The following RAPGEF1 variants were observed in gnomAD, a reference collection of about 807,000 sequenced individuals.
The protein encoded by RAPGEF1 is CRK SH3-binding GNRP.
Under a neutral mutation model 143.3 loss-of-function variants are expected in RAPGEF1, and 33 were observed. The ratio of observed to expected loss-of-function variants is 0.23; its 90% confidence interval spans 0.17 to 0.31. RAPGEF1 has a LOEUF of 0.31. Ranked by LOEUF, RAPGEF1 falls within the 10% of genes least tolerant of loss-of-function variation. RAPGEF1 has a pLI of 1.00. For synonymous variants in RAPGEF1, 629 were observed against 676.5 expected (o/e 0.93, Z 1.09); for missense variants, 1,199 against 1,645.4 (o/e 0.73, Z 4.69).
intron 18 of RAPGEF1, among the ~76,000 whole-genome samples, chr9:131,590,189 C>T (rs1342776965): frequency 3.3e-5 from 5 of 152,164 alleles, no homozygotes; most frequent in Admixed American, 2.6e-4. Flanking sequence ...CAGGGATGCC[C>T]CCGGCTGCTG....
At chr9:131,737,731 G>C (rs957769221) in intron 1 of RAPGEF1, among the ~76,000 whole-genome samples, 1 of 152,102 alleles carries the variant, frequency 6.6e-6, no homozygotes, top group Non-Finnish European at 1.5e-5. Flanking sequence ...TTGGGAGGCC[G>C]AGGTGGGCGG....
chr9:131,705,167 G>A (rs1035772940), intron 1 of RAPGEF1, among the ~76,000 whole-genome samples: 4 of 152,038 alleles, frequency 2.6e-5, no homozygotes, highest in Non-Finnish European at 5.9e-5. Context: ...TTTATTGCAC[G>A]TCCACTGTGC....
intron 1 of RAPGEF1, among the ~76,000 whole-genome samples, chr9:131,686,001 CT>C (rs1833318167): frequency 6.6e-6 from 1 of 152,180 alleles, no homozygotes; most frequent in African/African-American, 2.4e-5. Flanking sequence ...TCTTCAGTTC[CT>C]TCATGCGTTC....
At chr9:131,634,069 C>T (rs182720086) in intron 5 of RAPGEF1, among the ~76,000 whole-genome samples, 25 of 152,288 alleles carry the variant, frequency 1.6e-4, no homozygotes, top group Non-Finnish European at 3.1e-4. Context: ...CAAAACCAGC[C>T]TGGGCAACAT....
intron 9 of RAPGEF1, among the ~76,000 whole-genome samples, chr9:131,627,013 A>G (rs1328031535): frequency 2.0e-5 from 2 of 101,440 alleles, no homozygotes; most frequent in African/African-American, 3.9e-5. Flanking sequence ...AGAGTTCAAG[A>G]CCAGCCTGGT....
At chr9:131,726,562 G>A (rs535931995) in intron 1 of RAPGEF1, among the ~76,000 whole-genome samples, 14 of 152,100 alleles carry the variant, frequency 9.2e-5, no homozygotes, top group African/African-American at 3.4e-4. Context: ...GGAGGCAGAG[G>A]TTGCAGTGAG....
At chr9:131,582,728 C>A in intron 24 of RAPGEF1, 26 bp from the exon 25 acceptor site, 3 of 1,539,014 alleles carry the variant, frequency 1.9e-6, no homozygotes, top group Non-Finnish European at 2.6e-6. Context: ...AGGACAGGAC[C>A]GGACAGGGGT....
chr9:131,689,047 T>C (rs1451840523), intron 1 of RAPGEF1, among the ~76,000 whole-genome samples: 1 of 152,254 alleles, frequency 6.6e-6, no homozygotes, highest in East Asian at 1.9e-4. Flanking sequence ...ACTCGTTTCA[T>C]CCAAGAGTCA....
intron 22 of RAPGEF1, among the ~76,000 whole-genome samples, chr9:131,587,183 A>AACACACAC (rs560537370): frequency 3.1e-5 from 2 of 64,470 alleles, no homozygotes; most frequent in South Asian, 5.2e-4. Flanking sequence ...CTCCGTCTCA[A>AACACACAC]ACACACACAC....
At chr9:131,604,375 C>T (rs1016542216) in intron 13 of RAPGEF1, among the ~76,000 whole-genome samples, 1 of 152,180 alleles carries the variant, frequency 6.6e-6, no homozygotes, top group East Asian at 1.9e-4. Flanking sequence ...GAGTGGGGTC[C>T]GCTGCCTGCA....
At chr9:131,651,163 C>G (rs1292288727) in intron 1 of RAPGEF1, among the ~76,000 whole-genome samples, 1 of 152,204 alleles carries the variant, frequency 6.6e-6, no homozygotes, top group Non-Finnish European at 1.5e-5. Flanking sequence ...AAATCAAAGG[C>G]AGTCCAAATA....
intron 3 of RAPGEF1, among the ~76,000 whole-genome samples, chr9:131,649,663 G>C (rs1274223996): frequency 3.3e-5 from 5 of 152,190 alleles, no homozygotes; most frequent in Non-Finnish European, 7.3e-5. Flanking sequence ...ATAAATGTTA[G>C]GGACACAGGT....
At chr9:131,689,222 A>C (rs932644619) in intron 1 of RAPGEF1, among the ~76,000 whole-genome samples, 2 of 152,220 alleles carry the variant, frequency 1.3e-5, no homozygotes, top group African/African-American at 4.8e-5. Context: ...CAACAAAAAT[A>C]AAATAATGTA....
intron 1 of RAPGEF1, among the ~76,000 whole-genome samples, chr9:131,677,327 T>C (rs745668399): frequency 4.6e-5 from 7 of 152,234 alleles, no homozygotes; most frequent in Non-Finnish European, 1.0e-4. Flanking sequence ...CAAGTAGAGA[T>C]GCAATGTGCT....
At chr9:131,646,034 G>C (rs1220836329) in intron 3 of RAPGEF1, among the ~76,000 whole-genome samples, 1 of 152,226 alleles carries the variant, frequency 6.6e-6, no homozygotes, top group Non-Finnish European at 1.5e-5. Context: ...TAATAAAGCA[G>C]AGAAAGAGGG....
At chr9:131,729,800 G>T (rs1209044871) in intron 1 of RAPGEF1, among the ~76,000 whole-genome samples, 1 of 152,156 alleles carries the variant, frequency 6.6e-6, no homozygotes, top group African/African-American at 2.4e-5. Context: ...CACGTCTGAA[G>T]GTAAAGCTCC....
rs1424903468 is a variant in RAPGEF1 at position 131,586,695 on chromosome 9, A to G, written c.3233+1041T>C. Among the ~76,000 whole-genome samples the G allele has an allele frequency of 4.1e-5, 3 of 74,032 alleles. No homozygotes were observed. The East Asian group carries it at 1.2e-3, about 31-fold the overall frequency. The allele number at this position is 74,032 out of a possible 152,430, so 48.6% of individuals were successfully genotyped here. ...CCCTGCAGAGTGAGACTCCGTCTCA[A>G]ACACACACACACACCTGCAGAGCGA... On this transcript the variant is annotated intron_variant, in intron 22 of 26. Transcript: ENST00000683357.
At chr9:131,658,519 C>T (rs973669036) in intron 1 of RAPGEF1, among the ~76,000 whole-genome samples, 1 of 152,176 alleles carries the variant, frequency 6.6e-6, no homozygotes, top group Non-Finnish European at 1.5e-5. Context: ...TCATTCCTTC[C>T]AGAGGAAGGG....
chr9:131,587,157 CACCTGCAGAGCGAGACTCCGTCTCAA>C (rs1953217620), intron 22 of RAPGEF1, among the ~76,000 whole-genome samples: 4 of 132,746 alleles, frequency 3.0e-5, no homozygotes, highest in African/African-American at 8.9e-5. Flanking sequence ...CACACACACA[CACCTGCAGAGCGAGACTCCGTCTCAA>C]ACACACACAC....
Sources: allele counts gnomAD v4.1 joint callset (sites outside exome capture counted in the v4.1 genomes callset), GRCh38; gene constraint gnomAD v4.1.1; transcripts MANE v1.5; gene names NCBI Gene and HGNC (gene_info 2026-07-23, HGNC 2026-07-21).